Variants in ENTREP2 observed in about 807,000 individuals in gnomAD.
The protein encoded by ENTREP2 is protein ENTREP2.
the ENTREP2 span, among the ~76,000 whole-genome samples, chr15:29,335,471 G>C: frequency 6.6e-6 from 1 of 152,218 alleles, no homozygotes; most frequent in African/African-American, 2.4e-5. Flanking sequence ...AGGGTGAACA[G>C]TGTCACTGCA....
At chr15:29,570,463 G>T in the ENTREP2 span, 2 of 1,157,250 alleles carry the variant, frequency 1.7e-6, no homozygotes, top group Non-Finnish European at 2.2e-6. Flanking sequence ...CCCGGCCCGC[G>T]CAGTCCCCGG....
the ENTREP2 span, among the ~76,000 whole-genome samples, chr15:29,228,079 C>A: frequency 6.6e-6 from 1 of 152,126 alleles, no homozygotes; most frequent in East Asian, 1.9e-4. Context: ...CACCTGTAAT[C>A]CCAACACTTT....
the ENTREP2 span, among the ~76,000 whole-genome samples, chr15:29,237,382 G>A: frequency 6.6e-5 from 10 of 152,236 alleles, no homozygotes; most frequent in South Asian, 2.1e-3. Flanking sequence ...TGATTTTGGA[G>A]TCAAGTCTCA....
At chr15:29,659,839 C>A in the ENTREP2 span, among the ~76,000 whole-genome samples, 6 of 152,000 alleles carry the variant, frequency 3.9e-5, no homozygotes, top group Middle Eastern at 3.2e-3. Context: ...CTCTTTCACC[C>A]AGGCTGGAGT....
chr15:29,566,417 G>C, the ENTREP2 span, among the ~76,000 whole-genome samples: 1 of 151,710 alleles, frequency 6.6e-6, no homozygotes, highest in Non-Finnish European at 1.5e-5. Context: ...ACCTGCCTCG[G>C]CCTCCCAAAG....
the ENTREP2 span, among the ~76,000 whole-genome samples, chr15:29,550,774 G>A: frequency 6.6e-6 from 1 of 152,074 alleles, no homozygotes. Context: ...CTTCTTTGAA[G>A]CCCAATCAAT....
the ENTREP2 span, chr15:29,120,766 A>AAAG: frequency 6.6e-6 from 1 of 152,224 alleles, no homozygotes; most frequent in Non-Finnish European, 1.5e-5. Flanking sequence ...GGAGCGGGGG[A>AAAG]AAGACGCATA....
the ENTREP2 span, among the ~76,000 whole-genome samples, chr15:29,672,794 G>A: frequency 6.6e-6 from 1 of 152,058 alleles, no homozygotes; most frequent in African/African-American, 2.4e-5. Context: ...GGGGAATGCT[G>A]ATTGGTTGGG....
At chr15:29,639,864 G>T in the ENTREP2 span, among the ~76,000 whole-genome samples, 1 of 136,494 alleles carries the variant, frequency 7.3e-6, no homozygotes, top group Non-Finnish European at 1.7e-5. Context: ...TACCTCCCAG[G>T]TTCAAGCGAT....
At chr15:29,339,250 C>G in the ENTREP2 span, among the ~76,000 whole-genome samples, 1 of 152,338 alleles carries the variant, frequency 6.6e-6, no homozygotes, top group South Asian at 2.1e-4. Flanking sequence ...CAGTGACAGT[C>G]AAGACCCATG....
At chr15:29,310,257 G>A in the ENTREP2 span, among the ~76,000 whole-genome samples, 18,130 of 152,196 alleles carry the variant, frequency 0.12, 1,400 homozygotes, top group African/African-American at 0.22. Context: ...CAAGTCTGGG[G>A]TGATGGGGTC....
chr15:29,655,768 G>T, the ENTREP2 span, among the ~76,000 whole-genome samples: 1 of 152,168 alleles, frequency 6.6e-6, no homozygotes, highest in Non-Finnish European at 1.5e-5. Context: ...GCCCACACCT[G>T]TAATCCCAGC....
chr15:29,170,093 G>A, the ENTREP2 span, among the ~76,000 whole-genome samples: 4 of 151,994 alleles, frequency 2.6e-5, no homozygotes, highest in Non-Finnish European at 5.9e-5. Flanking sequence ...GGATCATGAG[G>A]TCAGAAGATT....
the ENTREP2 span, among the ~76,000 whole-genome samples, chr15:29,131,939 T>TCTGAC: frequency 0.27 from 40,935 of 151,726 alleles, 6,597 homozygotes; most frequent in Non-Finnish European, 0.37. Flanking sequence ...GAGAATGGCA[T>TCTGAC]CTGACCTAAG....
chr15:29,589,069 C>T, the ENTREP2 span, among the ~76,000 whole-genome samples: 1 of 151,374 alleles, frequency 6.6e-6, no homozygotes, highest in East Asian at 1.9e-4. Context: ...TAAAACCATA[C>T]AGAAATGAAA....
the ENTREP2 span, among the ~76,000 whole-genome samples, chr15:29,640,035 C>T: frequency 6.6e-6 from 1 of 152,150 alleles, no homozygotes; most frequent in Non-Finnish European, 1.5e-5. Flanking sequence ...TCCCAAAGTG[C>T]TGTGATTACA....
the ENTREP2 span, among the ~76,000 whole-genome samples, chr15:29,134,034 C>G: frequency 2.0e-5 from 3 of 152,246 alleles, no homozygotes; most frequent in East Asian, 5.8e-4. Context: ...GCCTGACCTC[C>G]CAGACCTTCC....
chr15:29,137,022 C>T, the ENTREP2 span: 201 of 1,423,150 alleles, frequency 1.4e-4, no homozygotes, highest in Admixed American at 2.3e-4. Context: ...GGGGCAGCCG[C>T]GGGAGACCAA....
At chr15:29,201,742 T>C in the ENTREP2 span, among the ~76,000 whole-genome samples, 1 of 152,186 alleles carries the variant, frequency 6.6e-6, no homozygotes, top group African/African-American at 2.4e-5. Context: ...TAATTTTATT[T>C]TTCTATACTG....
Sources: allele counts gnomAD v4.1 joint callset (sites outside exome capture counted in the v4.1 genomes callset), GRCh38; gene constraint gnomAD v4.1.1; transcripts MANE v1.5; gene names NCBI Gene and HGNC (gene_info 2026-07-23, HGNC 2026-07-21).